Variants in GNAO1 observed in about 807,000 individuals in gnomAD.
GNAO1 encodes G protein subunit alpha o1, also known as guanine nucleotide-binding protein G(o) subunit alpha.
For missense variants in GNAO1, 166 were observed against 478.7 expected, an observed-to-expected ratio of 0.35 and a Z score of 6.10; for synonymous variants, 164 against 180.7, an observed-to-expected ratio of 0.91 and a Z score of 0.74.
intron 6 of GNAO1, chr16:56,344,367 T>G: frequency 9.7e-7 from 1 of 1,029,102 alleles, no homozygotes; most frequent in Non-Finnish European, 1.2e-6. Flanking sequence ...GGTGGGGTCA[T>G]AGGAGCCATC....
intron 3 of GNAO1, 42 bp from the exon 4 acceptor site, chr16:56,328,589 C>T (rs1300116401): frequency 6.2e-7 from 1 of 1,600,834 alleles, no homozygotes. Context: ...GTCTTCTGTC[C>T]CCACCAAAGC....
At chr16:56,193,909 A>T in intron 2 of GNAO1, 1 of 358,688 alleles carries the variant, frequency 2.8e-6, no homozygotes, top group South Asian at 2.1e-5. Context: ...AACAAAAATG[A>T]TTATTTTTCA....
At chr16:56,258,788 T>A (rs2036876779) in intron 2 of GNAO1, among the ~76,000 whole-genome samples, 1 of 152,180 alleles carries the variant, frequency 6.6e-6, no homozygotes, top group African/African-American at 2.4e-5. Flanking sequence ...TTCCTGCAGC[T>A]CCTCTGGGAG....
intron 2 of GNAO1, among the ~76,000 whole-genome samples, chr16:56,221,028 G>C (rs2036480814): frequency 6.6e-6 from 1 of 152,118 alleles, no homozygotes; most frequent in African/African-American, 2.4e-5. Flanking sequence ...TTACAGGCAT[G>C]AGCCACTGCA....
chr16:56,317,114 CA>C (rs1465221870), intron 3 of GNAO1, among the ~76,000 whole-genome samples: 2 of 152,198 alleles, frequency 1.3e-5, no homozygotes, highest in African/African-American at 2.4e-5. Context: ...AAGTTAGGAT[CA>C]AAAAACCCAA....
intron 2 of GNAO1, among the ~76,000 whole-genome samples, chr16:56,199,330 A>C (rs1249686116): frequency 6.6e-6 from 1 of 152,224 alleles, no homozygotes; most frequent in South Asian, 2.1e-4. Flanking sequence ...CATGGTTCTT[A>C]AACCAAAGAG....
At chr16:56,275,450 ATTTG>A (rs1194157336) in intron 2 of GNAO1, among the ~76,000 whole-genome samples, 2 of 152,212 alleles carry the variant, frequency 1.3e-5, no homozygotes, top group Non-Finnish European at 2.9e-5. Flanking sequence ...AAAGATGGTT[ATTTG>A]TTTGTCTTAA....
chr16:56,237,312 T>C (rs1458387907), intron 2 of GNAO1, among the ~76,000 whole-genome samples: 1 of 152,204 alleles, frequency 6.6e-6, no homozygotes, highest in Non-Finnish European at 1.5e-5. Context: ...GTACCTGACA[T>C]GGAGCTGAAT....
chr16:56,205,274 C>G (rs2036316897), intron 2 of GNAO1, among the ~76,000 whole-genome samples: 1 of 152,194 alleles, frequency 6.6e-6, no homozygotes, highest in African/African-American at 2.4e-5. Context: ...CAAAACAACT[C>G]CTGGGGTCCC....
In GNAO1 at chr16:56,332,776, G is replaced by A. The variant is rs761905582; in HGVS notation, c.465-1953G>A. On this transcript the variant is annotated intron_variant, in intron 4 of 8. Transcript: ENST00000262493. ...CAGAGGGCCAGGTTGCCCATCTAAA[G>A]GAGGTTTGCCCTGGCTGGGAAAGGA... 6.4e-4 allele frequency among the ~76,000 whole-genome samples: 98 copies of A among 152,258 alleles called. 1 individual carries two copies. The highest frequency in any genetic ancestry group is 1.1e-3 in the Non-Finnish European group (75 of 68,046).
chr16:56,227,167 ACAAG>A (rs371001778), intron 2 of GNAO1, among the ~76,000 whole-genome samples: 1 of 152,246 alleles, frequency 6.6e-6, no homozygotes, highest in African/African-American at 2.4e-5. Context: ...TTTAAAGAAA[ACAAG>A]AAGAAGAAGA....
At chr16:56,291,464 C>T (rs981289476) in intron 3 of GNAO1, among the ~76,000 whole-genome samples, 3 of 152,124 alleles carry the variant, frequency 2.0e-5, no homozygotes, top group Non-Finnish European at 1.5e-5. Flanking sequence ...ATTTGTCTTA[C>T]GGTTAAGTTG....
intron 2 of GNAO1, 110 bp downstream of exon 2, chr16:56,192,726 G>A (rs1462072285): frequency 2.1e-5 from 12 of 564,884 alleles, no homozygotes; most frequent in Non-Finnish European, 3.6e-5. Flanking sequence ...TTTAATTCGT[G>A]CACACACACA....
chr16:56,289,086 C>T (rs1285648552), intron 3 of GNAO1, among the ~76,000 whole-genome samples: 26 of 152,104 alleles, frequency 1.7e-4, no homozygotes, highest in Admixed American at 1.6e-3. Flanking sequence ...GTTAGGGCAC[C>T]TGTGTTCAAT....
At chr16:56,339,147 C>T (rs563548640) in intron 6 of GNAO1, among the ~76,000 whole-genome samples, 6 of 152,360 alleles carry the variant, frequency 3.9e-5, no homozygotes, top group South Asian at 2.1e-4. Flanking sequence ...ACAATACTGG[C>T]GCTGTAGAAC....
At chr16:56,273,007 C>T (rs2037031897) in intron 2 of GNAO1, among the ~76,000 whole-genome samples, 2 of 152,156 alleles carry the variant, frequency 1.3e-5, no homozygotes, top group Admixed American at 6.5e-5. Context: ...GTACCAGTTG[C>T]CTTTCTTTTC....
At chr16:56,198,136 A>G (rs1372459898) in intron 2 of GNAO1, among the ~76,000 whole-genome samples, 8 of 152,226 alleles carry the variant, frequency 5.3e-5, no homozygotes, top group Admixed American at 3.3e-4. Context: ...GATTCTGAAA[A>G]AAGAAAGTGT....
At chr16:56,236,634 C>G (rs2036639427) in intron 2 of GNAO1, among the ~76,000 whole-genome samples, 1 of 152,308 alleles carries the variant, frequency 6.6e-6, no homozygotes, top group South Asian at 2.1e-4. Flanking sequence ...TTACTTCTTT[C>G]CTAGAGTGAC....
intron 3 of GNAO1, among the ~76,000 whole-genome samples, chr16:56,320,292 G>A (rs1186248472): frequency 6.6e-6 from 1 of 152,184 alleles, no homozygotes; most frequent in Non-Finnish European, 1.5e-5. Context: ...GGCAGCCTAT[G>A]ACGTGGAGCC....
Sources: gnomAD v4.1 joint callset for allele counts (sites outside exome capture counted in the v4.1 genomes callset) on GRCh38, gnomAD v4.1.1 for gene constraint, MANE v1.5 for transcripts, NCBI Gene and HGNC (gene_info 2026-07-23, HGNC 2026-07-21) for gene names.